Variants in SPDYE10 observed in about 807,000 individuals in gnomAD.
SPDYE10 encodes the protein speedy protein E10.
the SPDYE10 span, chr7:73,155,354 G>C: frequency 2.7e-6 from 1 of 365,884 alleles, no homozygotes; most frequent in Non-Finnish European, 4.9e-6. Flanking sequence ...GTAAGCGCGC[G>C]GGGACGCGGC....
At chr7:73,141,237 A>T in the SPDYE10 span, among the ~76,000 whole-genome samples, 4 of 152,262 alleles carry the variant, frequency 2.6e-5, no homozygotes, top group African/African-American at 7.2e-5. Flanking sequence ...ACATCAAGTA[A>T]ACTGGCCAAG....
chr7:73,123,531 A>G, the SPDYE10 span, among the ~76,000 whole-genome samples: 2 of 152,288 alleles, frequency 1.3e-5, no homozygotes, highest in East Asian at 3.8e-4. Context: ...CAGTGGTGTG[A>G]TCTCAGCTCA....
chr7:73,154,552 C>T, the SPDYE10 span, among the ~76,000 whole-genome samples: 1 of 144,846 alleles, frequency 6.9e-6, no homozygotes, highest in Non-Finnish European at 1.5e-5. Context: ...CTCTCATGAC[C>T]GATTGCCCTA....
chr7:73,134,545 G>GAAAGAAAGAAAGAAAGAAAGAA, the SPDYE10 span, among the ~76,000 whole-genome samples: 1 of 151,944 alleles, frequency 6.6e-6, no homozygotes, highest in Admixed American at 6.6e-5. Context: ...GAAAAAGAAA[G>GAAAGAAAGAAAGAAAGAAAGAA]AAAGAAAGAA....
chr7:73,122,570 TGA>T, the SPDYE10 span, among the ~76,000 whole-genome samples: 1 of 142,876 alleles, frequency 7.0e-6, no homozygotes, highest in Non-Finnish European at 1.5e-5. Flanking sequence ...GGCAACAGAG[TGA>T]GACTCCATCT....
the SPDYE10 span, among the ~76,000 whole-genome samples, chr7:73,150,946 A>T: frequency 7.8e-3 from 88 of 11,300 alleles, 3 homozygotes; most frequent in East Asian, 0.014. Flanking sequence ...ATATATATAT[A>T]TATTTTTTTT....
the SPDYE10 span, among the ~76,000 whole-genome samples, chr7:73,137,976 A>T: frequency 2.7e-5 from 4 of 148,396 alleles, no homozygotes; most frequent in African/African-American, 1.0e-4. Flanking sequence ...AGGCTAACAG[A>T]CTCCAGATAC....
At chr7:73,131,204 A>T in the SPDYE10 span, among the ~76,000 whole-genome samples, 4 of 103,556 alleles carry the variant, frequency 3.9e-5, no homozygotes, top group Non-Finnish European at 5.5e-5. Context: ...CTGTCTCTTT[A>T]AAAAAAAAAA....
At chr7:73,122,996 G>C in the SPDYE10 span, among the ~76,000 whole-genome samples, 1 of 152,192 alleles carries the variant, frequency 6.6e-6, no homozygotes, top group Non-Finnish European at 1.5e-5. Flanking sequence ...CATGTATCTA[G>C]GGCACATGTG....
the SPDYE10 span, among the ~76,000 whole-genome samples, chr7:73,124,942 GA>G: frequency 3.9e-5 from 5 of 127,928 alleles, no homozygotes; most frequent in Non-Finnish European, 6.8e-5. Context: ...AATAAATAAA[GA>G]AATAAAATCA....
chr7:73,135,921 C>T, the SPDYE10 span, among the ~76,000 whole-genome samples: 392 of 45,280 alleles, frequency 8.7e-3, no homozygotes, highest in East Asian at 0.061. Flanking sequence ...GTTCTTGTTG[C>T]CCAGGCTGGA....
chr7:73,154,726 A>G, the SPDYE10 span, among the ~76,000 whole-genome samples: 1 of 149,926 alleles, frequency 6.7e-6, no homozygotes, highest in Non-Finnish European at 1.5e-5. Flanking sequence ...CCTTCCCCTT[A>G]GTCCTGAGGG....
At chr7:73,141,494 AAATT>A in the SPDYE10 span, among the ~76,000 whole-genome samples, 1 of 140,406 alleles carries the variant, frequency 7.1e-6, no homozygotes, top group Non-Finnish European at 1.5e-5. Context: ...GTCTCAAAGA[AAATT>A]AATTTTTTTT....
the SPDYE10 span, among the ~76,000 whole-genome samples, chr7:73,117,790 A>G: frequency 2.1e-5 from 3 of 143,100 alleles, no homozygotes; most frequent in African/African-American, 8.1e-5. Flanking sequence ...ATGTTTCTCC[A>G]GAGAGGAAAA....
chr7:73,143,819 C>T, the SPDYE10 span, among the ~76,000 whole-genome samples: 2 of 150,542 alleles, frequency 1.3e-5, no homozygotes, highest in African/African-American at 4.9e-5. Flanking sequence ...TGCTTCAGCT[C>T]CCGAGTAGCT....
the SPDYE10 span, among the ~76,000 whole-genome samples, chr7:73,126,797 T>A: frequency 6.6e-6 from 1 of 150,680 alleles, no homozygotes; most frequent in South Asian, 2.1e-4. Flanking sequence ...CCCAAGTAAC[T>A]GGGACTACAA....
the SPDYE10 span, among the ~76,000 whole-genome samples, chr7:73,115,369 T>C: frequency 5.3e-5 from 8 of 152,010 alleles, no homozygotes; most frequent in Admixed American, 5.2e-4. Context: ...TACTGTGTTC[T>C]GTAGAGGAGC....
the SPDYE10 span, among the ~76,000 whole-genome samples, chr7:73,115,703 TA>T: frequency 1.8e-5 from 1 of 54,820 alleles, no homozygotes; most frequent in African/African-American, 1.2e-4. Context: ...GCTTTAGATA[TA>T]AAATCCACTC....
the SPDYE10 span, among the ~76,000 whole-genome samples, chr7:73,137,593 TGA>T: frequency 5.7e-5 from 4 of 70,542 alleles, no homozygotes; most frequent in Non-Finnish European, 1.0e-4. Flanking sequence ...AAAGAAGAGA[TGA>T]AAGAAAGAAA....
Sources: gnomAD v4.1 joint callset for allele counts (sites outside exome capture counted in the v4.1 genomes callset) on GRCh38, gnomAD v4.1.1 for gene constraint, MANE v1.5 for transcripts, NCBI Gene and HGNC (gene_info 2026-07-23, HGNC 2026-07-21) for gene names.